ST18: variants seen among roughly 807,000 people sequenced by gnomAD.
ST18 encodes suppression of tumorigenicity 18 protein.
In ST18, 50 loss-of-function variants were observed where a neutral mutation model predicts 110.0. That is an observed-to-expected ratio of 0.45 (90% CI 0.36 to 0.58). ST18 has a LOEUF of 0.58. Ranked by LOEUF, ST18 falls within the 20% of genes least tolerant of loss-of-function variation. The pLI, the probability that ST18 is intolerant of heterozygous loss-of-function variation, is 0.00. For synonymous variants in ST18, 461 were observed against 452.4 expected (o/e 1.02, Z -0.24); for missense variants, 1,306 against 1,280.1 (o/e 1.02, Z -0.31).
chr8:52,209,102 T>A (rs2081206624), intron 8 of ST18, among the ~76,000 whole-genome samples: 1 of 152,174 alleles, frequency 6.6e-6, no homozygotes, highest in Admixed American at 6.5e-5. Context: ...ATAGAAAACA[T>A]TATTATCTTA....
At chr8:52,370,045 G>C (rs1336444588) in intron 2 of ST18, among the ~76,000 whole-genome samples, 1 of 152,186 alleles carries the variant, frequency 6.6e-6, no homozygotes, top group African/African-American at 2.4e-5. Context: ...TCACAGACAT[G>C]CATGTGCACA....
intron 13 of ST18, among the ~76,000 whole-genome samples, chr8:52,162,906 A>C (rs1414163682): frequency 6.6e-6 from 1 of 152,202 alleles, no homozygotes; most frequent in Non-Finnish European, 1.5e-5. Flanking sequence ...TTTTACAAAA[A>C]CTTTTTAGCT....
chr8:52,128,795 C>T (rs1434450374), intron 22 of ST18, among the ~76,000 whole-genome samples: 1 of 152,110 alleles, frequency 6.6e-6, no homozygotes, highest in East Asian at 1.9e-4. Context: ...CATAACTTTC[C>T]TGTGCTTGTT....
At chr8:52,280,308 G>A (rs2095351718) in intron 2 of ST18, among the ~76,000 whole-genome samples, 1 of 151,890 alleles carries the variant, frequency 6.6e-6, no homozygotes, top group Admixed American at 6.6e-5. Flanking sequence ...AATGCAAGGG[G>A]ACTAATCTTT....
At chr8:52,137,803 T>C (rs1418777413) in intron 17 of ST18, 1 of 261,896 alleles carries the variant, frequency 3.8e-6, no homozygotes, top group Non-Finnish European at 7.3e-6. Context: ...TTTTAATTCA[T>C]TTGAAAAATG....
At chr8:52,325,324 G>A (rs1361011336) in intron 2 of ST18, among the ~76,000 whole-genome samples, 2 of 152,168 alleles carry the variant, frequency 1.3e-5, no homozygotes, top group Non-Finnish European at 2.9e-5. Flanking sequence ...ATACAAATAG[G>A]TAAGACCCGA....
Position 52,118,331 on chromosome 8 carries a change from T to G in ST18, c.2859+7A>C. ...ATTAAGGATCATGAATTACTTCTTT[T>G]TTTTACCTGGGTCTGAAGTTTCATC... On this transcript the variant is annotated splice_region_variant and intron_variant, in intron 24 of 25. Transcript: ENST00000689386. 1 of 1,577,786 alleles carries G rather than the reference T, an allele frequency of 6.3e-7. No individual in the cohort carries two copies. Among genetic ancestry groups the G allele is most frequent in the Non-Finnish European group, 8.6e-7 (1 of 1,157,046 alleles).
At chr8:52,236,983 G>T (rs1159692587) in intron 2 of ST18, among the ~76,000 whole-genome samples, 1 of 152,184 alleles carries the variant, frequency 6.6e-6, no homozygotes, top group Non-Finnish European at 1.5e-5. Context: ...ACCAACCTAC[G>T]TTTGAATCCT....
At chr8:52,135,596 GAAAGAAA>G (rs2051821624) in intron 19 of ST18, among the ~76,000 whole-genome samples, 1 of 132,126 alleles carries the variant, frequency 7.6e-6, no homozygotes, top group African/African-American at 2.8e-5. Flanking sequence ...AAAAAAGAAA[GAAAGAAA>G]AAAGGAAAAA....
At chr8:52,339,412 G>T (rs751519832) in intron 2 of ST18, among the ~76,000 whole-genome samples, 1 of 152,188 alleles carries the variant, frequency 6.6e-6, no homozygotes, top group Non-Finnish European at 1.5e-5. Flanking sequence ...TTCCTAAACC[G>T]ACTGTACCAC....
chr8:52,120,593 G>C (rs551527290), intron 23 of ST18, among the ~76,000 whole-genome samples: 2 of 152,274 alleles, frequency 1.3e-5, no homozygotes, highest in Non-Finnish European at 2.9e-5. Context: ...AAGGGAGTGA[G>C]TGCCCCATGG....
chr8:52,282,393 TA>T (rs1429734672), intron 2 of ST18, among the ~76,000 whole-genome samples: 1 of 152,220 alleles, frequency 6.6e-6, no homozygotes, highest in African/African-American at 2.4e-5. Context: ...TTAAAAATTC[TA>T]ATCATGTAAC....
intron 8 of ST18, among the ~76,000 whole-genome samples, chr8:52,210,992 C>T (rs1371329833): frequency 6.6e-6 from 1 of 152,156 alleles, no homozygotes; most frequent in African/African-American, 2.4e-5. Flanking sequence ...TTTTCAAACA[C>T]TTCCCTGAGG....
intron 2 of ST18, among the ~76,000 whole-genome samples, chr8:52,293,072 A>G (rs1021247817): frequency 6.6e-6 from 1 of 152,192 alleles, no homozygotes; most frequent in African/African-American, 2.4e-5. Flanking sequence ...ATGTGTGTGG[A>G]TATTTATGTG....
Position 52,405,775 on chromosome 8 carries a change from C to T in ST18, c.-465+3553G>A, listed in dbSNP as rs557971255. ...TCTTAAAAATCTGCCTACTTAGACA[C>T]ATTTCAATGGAATGTTTACATCTCA... On this transcript the variant is annotated intron_variant, in intron 2 of 25. Transcript: ENST00000689386. The T allele has an allele frequency of 2.6e-5, 4 of 151,632 alleles. No homozygotes were observed. In the East Asian group the frequency reaches 7.8e-4, roughly 29 times the overall value. 9.4% of individuals were successfully genotyped at this position (151,632 alleles called of 1,614,324 possible). A position where few individuals can be genotyped will look rare whatever the true frequency, so the allele number is the denominator to read the frequency against.
chr8:52,250,470 A>AAAAAAAAG (rs2094208532), intron 2 of ST18, among the ~76,000 whole-genome samples: 1 of 150,186 alleles, frequency 6.7e-6, no homozygotes. Context: ...AAAAAAAAAA[A>AAAAAAAAG]AAAAAAAGAT....
At position 52,212,148 on chromosome 8, in the gene ST18, T is replaced by G. The variant is rs373548273; in HGVS notation, c.56-39A>C. On this transcript the variant is annotated intron_variant, in intron 7 of 25. Coordinates refer to ENST00000689386, the MANE Select transcript of ST18 (RefSeq NM_001352837.2). ...AAGAAAAAAAAGAAGACTTAATCAG[T>G]TGATAATTTTCAAAACTGTATAATG... 4.8e-5 allele frequency: 76 copies of G among 1,579,768 alleles called. 1 individual carries two copies. In the African/African-American group the frequency reaches 8.9e-4, roughly 19 times the overall value.
chr8:52,167,132 C>T, intron 10 of ST18, 146 bp from the exon 11 acceptor site: 1 of 1,116,388 alleles, frequency 9.0e-7, no homozygotes, highest in Non-Finnish European at 1.2e-6. Flanking sequence ...ACAAGACCCT[C>T]AACTAAGACC....
intron 2 of ST18, among the ~76,000 whole-genome samples, chr8:52,236,162 C>T (rs1346964057): frequency 6.6e-6 from 1 of 152,126 alleles, no homozygotes; most frequent in Non-Finnish European, 1.5e-5. Context: ...GCAATTGCTG[C>T]AGTCTCTGTA....
Sources: gnomAD v4.1 joint callset for allele counts (sites outside exome capture counted in the v4.1 genomes callset) on GRCh38, gnomAD v4.1.1 for gene constraint, MANE v1.5 for transcripts, NCBI Gene and HGNC (gene_info 2026-07-23, HGNC 2026-07-21) for gene names.